The following LAMA2 variants were observed in gnomAD, a reference collection of about 807,000 sequenced individuals.
The protein encoded by LAMA2 is laminin subunit alpha 2, also known as laminin subunit alpha-2.
In LAMA2, 269 loss-of-function variants were observed where a neutral mutation model predicts 364.8. That is an observed-to-expected ratio of 0.74 (90% CI 0.67 to 0.82). The LOEUF (loss-of-function observed/expected upper bound fraction) is 0.82, where lower values mean the gene tolerates loss of function less well. Ranked by LOEUF, LAMA2 falls within the 40% of genes least tolerant of loss-of-function variation. LAMA2 has a pLI of 0.00. For missense variants in LAMA2, 3,807 were observed against 3,873.2 expected, an observed-to-expected ratio of 0.98 and a Z score of 0.45; for synonymous variants, 1,379 against 1,370.6, an observed-to-expected ratio of 1.01 and a Z score of -0.14.
intron 30 of LAMA2, among the ~76,000 whole-genome samples, chr6:129,343,598 TTTAA>T (rs1422021771): frequency 6.6e-6 from 1 of 152,216 alleles, no homozygotes; most frequent in Non-Finnish European, 1.5e-5. Flanking sequence ...CCCCGATTTA[TTTAA>T]TTGTTTTAAA....
Position 129,328,352 on chromosome 6 carries a change from T to A in LAMA2, c.4251T>A (p.Cys1417Ter). The A allele has an allele frequency of 6.2e-7, 1 of 1,614,206 alleles. No individual in the cohort carries two copies. Among genetic ancestry groups the A allele is most frequent in the Non-Finnish European group, 8.5e-7 (1 of 1,180,030 alleles). Residue 1417 changes from cysteine (C) to a stop codon, truncating the protein, a stop_gained, in exon 29 of 65, where the codon TGT (cysteine) becomes TGA (stop). Coordinates refer to ENST00000421865, the MANE Select transcript of LAMA2 (RefSeq NM_000426.4). LOFTEE classifies it high-confidence loss of function. ...GRTPGPTLGTCVPCQCNGHSS... is the reference protein window; with the variant it reads ...GRTPGPTLGT Reference sequence around the variant, plus strand: ...CCCCTGGACCAACCCTGGGCACCTGTGTTCCATGTCAATGTAATGGACACA... The same window carrying A: ...CCCCTGGACCAACCCTGGGCACCTGAGTTCCATGTCAATGTAATGGACACA...
intron 3 of LAMA2, among the ~76,000 whole-genome samples, chr6:129,085,852 A>G (rs1252047982): frequency 6.6e-6 from 1 of 152,220 alleles, no homozygotes; most frequent in Non-Finnish European, 1.5e-5. Flanking sequence ...TAAGATTTTT[A>G]TCATGTCCTC....
At chr6:128,886,745 T>C (rs76363520) in intron 1 of LAMA2, among the ~76,000 whole-genome samples, 1,534 of 152,308 alleles carry the variant, frequency 0.01, 11 homozygotes, top group Non-Finnish European at 0.016. Context: ...CAACCAGGTT[T>C]GAATTTTATA....
In LAMA2 at chr6:129,454,160, C is replaced by T. The variant is rs764178855; in HGVS notation, c.6579C>T (p.Asp2193=). The change falls in exon 47 of 65, where the codon GAC becomes GAT. Residue 2193 remains aspartate (D), a synonymous_variant. Coordinates refer to ENST00000421865, the MANE Select transcript of LAMA2 (RefSeq NM_000426.4). ...LFYLGSAKFI[D]FLAIEMRKGK... is the part of the protein sequence containing the mutation. ...TTTGTATTTCTCTGAACTAGATTGA[C>T]TTTCTGGCTATAGAAATGCGTAAAG... 1 of 1,612,342 alleles carries T rather than the reference C, an allele frequency of 6.2e-7. No homozygotes were observed. The highest frequency in any genetic ancestry group is 8.5e-7 in the Non-Finnish European group (1 of 1,178,638).
In LAMA2 at chr6:129,369,900, G is replaced by A. The variant is rs147510409; in HGVS notation, c.4869G>A (p.Leu1623=). 2 of 1,613,852 alleles carry A rather than the reference G, an allele frequency of 1.2e-6. No individual in the cohort carries two copies. The highest frequency in any genetic ancestry group is 1.7e-6 in the Non-Finnish European group (2 of 1,179,900). Residue 1623 remains leucine (L), a synonymous_variant, in exon 34 of 65, where the codon CTG becomes CTA. Coordinates refer to ENST00000421865, the MANE Select transcript of LAMA2 (RefSeq NM_000426.4). ...GATGGAATCTTTTTCAGCACTTGCT[G>A]TCACCTCAGCGGGCCCCAGAGAGGC... The part of the protein sequence containing the change: ...ENMTQELKHL[L]SPQRAPERLI...
chr6:129,475,358 TTG>T, intron 52 of LAMA2, 30 bp from the exon 53 acceptor site: 1 of 1,288,482 alleles, frequency 7.8e-7, no homozygotes, highest in South Asian at 1.3e-5. Context: ...GTTTTTATTT[TTG>T]TTTTTTTTTT....
intron 4 of LAMA2, among the ~76,000 whole-genome samples, chr6:129,120,799 A>G (rs1344784039): frequency 6.6e-6 from 1 of 152,148 alleles, no homozygotes; most frequent in Admixed American, 6.5e-5. Context: ...TTGCTGTGGT[A>G]TTTGCTCTGA....
At chr6:129,412,886 T>TAAC (rs981259280) in intron 40 of LAMA2, among the ~76,000 whole-genome samples, 1 of 152,144 alleles carries the variant, frequency 6.6e-6, no homozygotes, top group African/African-American at 2.4e-5. Flanking sequence ...TGCCCCAAGC[T>TAAC]AACTGTAAGG....
chr6:129,048,801 G>C (rs1294287849), intron 1 of LAMA2, among the ~76,000 whole-genome samples: 1 of 151,770 alleles, frequency 6.6e-6, no homozygotes, highest in East Asian at 1.9e-4. Context: ...TTTTAGTAGA[G>C]ACAGGGTTTC....
chr6:128,964,508 T>G (rs954232628), intron 1 of LAMA2, among the ~76,000 whole-genome samples: 1 of 152,058 alleles, frequency 6.6e-6, no homozygotes, highest in Non-Finnish European at 1.5e-5. Flanking sequence ...TCATTCATAA[T>G]GGACAGAATA....
chr6:129,230,267 TG>T (rs1300622313), intron 12 of LAMA2, among the ~76,000 whole-genome samples: 5 of 152,166 alleles, frequency 3.3e-5, no homozygotes, highest in African/African-American at 1.2e-4. Context: ...ATACTGTTGA[TG>T]GGCCAAATAA....
intron 40 of LAMA2, among the ~76,000 whole-genome samples, chr6:129,417,661 G>A (rs10872341): frequency 0.5 from 76,004 of 151,710 alleles, 19,587 homozygotes; most frequent in African/African-American, 0.62. Flanking sequence ...GCGCCCACTG[G>A]CACCCAGGCT....
At chr6:128,940,745 A>G (rs77819250) in intron 1 of LAMA2, among the ~76,000 whole-genome samples, 1,536 of 152,246 alleles carry the variant, frequency 0.01, 30 homozygotes, top group African/African-American at 0.035. Flanking sequence ...TGAGCTCAGA[A>G]GTTCAAGGCC....
In LAMA2 at chr6:129,287,906, A is replaced by G; in HGVS notation, c.2597A>G (p.Gln866Arg). 6.2e-7 allele frequency: 1 copy of G among 1,614,102 alleles called. No homozygotes were observed. ...SVPGGSCQPCQCNDNLDFSIP... is the reference protein window; with the variant it reads ...SVPGGSCQPCRCNDNLDFSIP... ...CCTGGAGGATCATGTCAGCCATGCC[A>G]ATGCAATGACAACCTTGACTTCTCC... The change falls in exon 19 of 65, where the codon CAA becomes CGA. Residue 866 changes from glutamine to arginine, a missense_variant. By Grantham distance (43) the Gln-to-Arg change is conservative. Coordinates refer to ENST00000421865, the MANE Select transcript of LAMA2 (RefSeq NM_000426.4).
chr6:128,912,273 A>C (rs1235736213), intron 1 of LAMA2, among the ~76,000 whole-genome samples: 1 of 152,172 alleles, frequency 6.6e-6, no homozygotes, highest in African/African-American at 2.4e-5. Flanking sequence ...TTCTATCAAC[A>C]TATGTGTTTG....
At chr6:129,350,741 C>T (rs1036411549) in intron 31 of LAMA2, among the ~76,000 whole-genome samples, 6 of 152,176 alleles carry the variant, frequency 3.9e-5, no homozygotes, top group Non-Finnish European at 8.8e-5. Flanking sequence ...ACTTAAGAGT[C>T]TTGTTTTATA....
chr6:129,407,663 C>A (rs1395240302), intron 40 of LAMA2, among the ~76,000 whole-genome samples: 1 of 152,170 alleles, frequency 6.6e-6, no homozygotes, highest in Non-Finnish European at 1.5e-5. Flanking sequence ...TTATGTATTC[C>A]CTTTGCCTTC....
At chr6:129,069,135 A>G (rs190241257) in intron 3 of LAMA2, among the ~76,000 whole-genome samples, 287 of 152,134 alleles carry the variant, frequency 1.9e-3, no homozygotes, top group Non-Finnish European at 3.0e-3. Context: ...AATAATACAT[A>G]GGAGATCTGT....
At chr6:129,061,752 A>T (rs1409162821) in intron 3 of LAMA2, among the ~76,000 whole-genome samples, 1 of 152,222 alleles carries the variant, frequency 6.6e-6, no homozygotes, top group Non-Finnish European at 1.5e-5. Context: ...ATCATAACAA[A>T]GTGCCAGAAT....
Sources: allele counts gnomAD v4.1 joint callset (sites outside exome capture counted in the v4.1 genomes callset), GRCh38; gene constraint gnomAD v4.1.1; transcripts MANE v1.5; gene names NCBI Gene and HGNC (gene_info 2026-07-23, HGNC 2026-07-21).